ACOXL: variants seen among roughly 807,000 people sequenced by gnomAD.
ACOXL encodes the protein acyl-CoA oxidase like, also known as acyl-coenzyme A oxidase-like protein.
In ACOXL, 70 loss-of-function variants were observed where a neutral mutation model predicts 71.9. That is an observed-to-expected ratio of 0.97 (90% CI 0.80 to 1.19). The LOEUF is 1.19. Among genes scored for constraint, ACOXL ranks in the 50% most tolerant of loss-of-function variants. The pLI is 0.00. For synonymous variants in ACOXL, 253 were observed against 281.6 expected, an observed-to-expected ratio of 0.90 and a Z score of 1.02; for missense variants, 703 against 736.3, an observed-to-expected ratio of 0.95 and a Z score of 0.52.
chr2:110,900,541 G>T (rs776712244), intron 10 of ACOXL, among the ~76,000 whole-genome samples: 17 of 152,194 alleles, frequency 1.1e-4, no homozygotes, highest in Admixed American at 2.6e-4. Context: ...ACACTGGCAG[G>T]TGTTAGAGTC....
chr2:110,928,832 A>T (rs918898348), intron 11 of ACOXL, among the ~76,000 whole-genome samples: 8 of 152,146 alleles, frequency 5.3e-5, no homozygotes, highest in African/African-American at 1.9e-4. Flanking sequence ...GTCTCATGAG[A>T]TCTGACGGTT....
chr2:110,745,576 G>T (rs1007060136), intron 1 of ACOXL, among the ~76,000 whole-genome samples: 1 of 152,228 alleles, frequency 6.6e-6, no homozygotes, highest in African/African-American at 2.4e-5. Context: ...AAGAGAGCCC[G>T]GGAAGCCACA....
intron 9 of ACOXL, among the ~76,000 whole-genome samples, chr2:110,834,089 G>A (rs961738611): frequency 4.6e-5 from 7 of 152,146 alleles, no homozygotes; most frequent in African/African-American, 1.7e-4. Context: ...ATGTTTGCGG[G>A]TGTCACATTT....
chr2:111,018,522 T>G (rs2064575012), intron 14 of ACOXL, among the ~76,000 whole-genome samples: 1 of 152,148 alleles, frequency 6.6e-6, no homozygotes, highest in Non-Finnish European at 1.5e-5. Context: ...CAGTCTTGTG[T>G]GCCCTGTGTG....
intron 1 of ACOXL, among the ~76,000 whole-genome samples, chr2:110,756,249 C>T (rs946212880): frequency 1.3e-5 from 2 of 152,134 alleles, no homozygotes; most frequent in Non-Finnish European, 2.9e-5. Context: ...GTCTCAGCCT[C>T]CCGAGTAGCT....
rs1182738065 is a variant in ACOXL, at chr2:110,835,288, G to A, written c.754-6083G>A. Among the ~76,000 whole-genome samples the A allele has an allele frequency of 2.6e-5, 4 of 151,828 alleles. No individual in the cohort carries two copies. In the East Asian group the frequency reaches 7.7e-4, roughly 29 times the overall value. Reference sequence around the variant, plus strand: ...GTTTTTTTTTTAAATTTAATTCCAAGGGATCAAGGAATGGTAACATCATAA... The same window carrying A: ...GTTTTTTTTTTAAATTTAATTCCAAAGGATCAAGGAATGGTAACATCATAA... On this transcript the variant is annotated intron_variant, in intron 9 of 17. Transcript: ENST00000439055.
At chr2:110,991,888 T>C (rs530419085) in intron 13 of ACOXL, among the ~76,000 whole-genome samples, 2 of 152,306 alleles carry the variant, frequency 1.3e-5, no homozygotes, top group Admixed American at 1.3e-4. Context: ...ACAGTATGGT[T>C]AGCTTTTTCC....
At chr2:110,786,854 GA>G (rs1292917935) in intron 3 of ACOXL, among the ~76,000 whole-genome samples, 3 of 152,214 alleles carry the variant, frequency 2.0e-5, no homozygotes, top group African/African-American at 7.2e-5. Context: ...TATTTGTAAT[GA>G]AAAATTATGT....
intron 12 of ACOXL, among the ~76,000 whole-genome samples, chr2:110,943,248 AAAAG>A (rs200983831): frequency 8.3e-4 from 124 of 149,624 alleles, no homozygotes; most frequent in South Asian, 5.0e-3. Context: ...AAGAGAAAGA[AAAAG>A]AAAAGAAAGG....
rs151108115 is a variant in ACOXL, at chr2:110,944,963, G to A, written c.1059+11321G>A. Among the ~76,000 whole-genome samples, 583 of 152,312 alleles carry A rather than the reference G, an allele frequency of 3.8e-3. 1 individual carries two copies. The highest frequency in any genetic ancestry group is 0.027 in the Middle Eastern group (8 of 294). On this transcript the variant is annotated intron_variant, in intron 12 of 17. Transcript: ENST00000439055. ...GCTGAACCAATTTACATTCCCACCA[G>A]CAGTGTATAAGTGTTCCCTTTTCTC...
At chr2:110,984,867 T>C (rs1034946479) in intron 12 of ACOXL, among the ~76,000 whole-genome samples, 8 of 152,238 alleles carry the variant, frequency 5.3e-5, no homozygotes, top group Admixed American at 5.2e-4. Context: ...CATTGTCTGA[T>C]GGCACAAGGA....
intron 14 of ACOXL, among the ~76,000 whole-genome samples, chr2:110,998,814 T>C (rs1319026193): frequency 6.6e-6 from 1 of 152,202 alleles, no homozygotes; most frequent in Non-Finnish European, 1.5e-5. Flanking sequence ...TGGGCTATAA[T>C]ATGAAATGAA....
chr2:111,014,111 A>G (rs1395126478), intron 14 of ACOXL, among the ~76,000 whole-genome samples: 1 of 152,228 alleles, frequency 6.6e-6, no homozygotes, highest in Non-Finnish European at 1.5e-5. Flanking sequence ...AAAAGAACCT[A>G]CAGCTAACCT....
intron 2 of ACOXL, among the ~76,000 whole-genome samples, chr2:110,784,108 A>G (rs1683655719): frequency 6.6e-6 from 1 of 152,166 alleles, no homozygotes; most frequent in Non-Finnish European, 1.5e-5. Flanking sequence ...AGACTTCCCA[A>G]TCCTCCACCC....
In ACOXL at chr2:111,073,497, T is replaced by G. The variant is rs143149341; in HGVS notation, c.1441-19368T>G. Among the ~76,000 whole-genome samples the G allele has an allele frequency of 2.2e-3, 337 of 152,328 alleles. 2 individuals carry two copies. Among genetic ancestry groups the G allele is most frequent in the African/African-American group, 7.7e-3 (321 of 41,584 alleles). ...GACTATTGTGATATCAAATTGACTA[T>G]TGTGATATCTGTTGAAAATACTATC... On this transcript the variant is annotated intron_variant, in intron 16 of 17. Transcript: ENST00000439055.
chr2:110,926,561 G>A (rs1159904746), intron 11 of ACOXL, among the ~76,000 whole-genome samples: 1 of 152,088 alleles, frequency 6.6e-6, no homozygotes, highest in Non-Finnish European at 1.5e-5. Context: ...CTATAACATA[G>A]GAATAATAAT....
Position 111,004,709 on chromosome 2 carries a change from A to G in ACOXL, c.1281+8705A>G, listed in dbSNP as rs148434118. 6.6e-5 allele frequency among the ~76,000 whole-genome samples: 10 copies of G among 152,330 alleles called. No individual in the cohort carries two copies. In the East Asian group the frequency reaches 1.9e-3, roughly 29 times the overall value. On this transcript the variant is annotated intron_variant, in intron 14 of 17. Coordinates refer to ENST00000439055, the MANE Select transcript of ACOXL (RefSeq NM_001142807.4). Reference sequence around the variant, plus strand: ...TCATCCAGGAACCAATAGGAAAAGGACCAATAGGATGTCCACCAATCAGGG... The same window carrying G: ...TCATCCAGGAACCAATAGGAAAAGGGCCAATAGGATGTCCACCAATCAGGG...
chr2:110,889,116 C>A (rs780779115), intron 10 of ACOXL, among the ~76,000 whole-genome samples: 2 of 152,182 alleles, frequency 1.3e-5, no homozygotes, highest in Non-Finnish European at 2.9e-5. Flanking sequence ...TCAAAATGAA[C>A]ATCCGAGGAC....
chr2:111,089,015 T>C (rs759887810), intron 16 of ACOXL, among the ~76,000 whole-genome samples: 2 of 152,110 alleles, frequency 1.3e-5, no homozygotes, highest in African/African-American at 4.8e-5. Context: ...AAGAGAAAAT[T>C]TGGACCCAGG....
Sources: gnomAD v4.1 joint callset for allele counts (sites outside exome capture counted in the v4.1 genomes callset) on GRCh38, gnomAD v4.1.1 for gene constraint, MANE v1.5 for transcripts, NCBI Gene and HGNC (gene_info 2026-07-23, HGNC 2026-07-21) for gene names.